Variants in KLHL42 observed in about 807,000 individuals in gnomAD.
The protein encoded by KLHL42 is kelch-like protein 42.
In KLHL42, 27 loss-of-function variants were observed where a neutral mutation model predicts 32.7. The observed-to-expected ratio is 0.83, with a 90% confidence interval of 0.61 to 1.14. The LOEUF (loss-of-function observed/expected upper bound fraction) is 1.14. Ranked by LOEUF, KLHL42 falls within the 50% of genes most tolerant of loss-of-function variation. The probability of loss-of-function intolerance (pLI) is 0.00; values close to 1 mark genes in which losing one functional copy is unlikely to be tolerated. For missense variants in KLHL42, 491 were observed against 560.8 expected (o/e 0.88, Z 1.26); for synonymous variants, 267 against 248.2 (o/e 1.08, Z -0.71).
At chr12:27,782,939 A>G (rs758784597) in intron 1 of KLHL42, among the ~76,000 whole-genome samples, 1 of 152,146 alleles carries the variant, frequency 6.6e-6, no homozygotes, top group Admixed American at 6.6e-5. Flanking sequence ...ATGTATAAAC[A>G]TTTATACTGT....
chr12:27,785,609 C>T (rs2062168594), intron 1 of KLHL42, among the ~76,000 whole-genome samples: 1 of 152,102 alleles, frequency 6.6e-6, no homozygotes, highest in African/African-American at 2.4e-5. Context: ...GGAGTTCCTT[C>T]CCGAACTCTG....
rs993661448 is a variant in KLHL42, at chr12:27,799,540, C to G, written c.*1374C>G. 1 of 152,060 alleles carries G rather than the reference C, an allele frequency of 6.6e-6. No individual in the cohort carries two copies. The highest frequency in any genetic ancestry group is 2.4e-5 in the African/African-American group (1 of 41,394). The allele number at this position is 152,060 out of a possible 1,614,324, so 9.4% of individuals were successfully genotyped here. ...AGCATGTGCCTCACTTTAAGAAAGTCCTGTAGGGGAAAAAAAAAACTGTCA... is the reference window on the plus strand; with the variant it reads ...AGCATGTGCCTCACTTTAAGAAAGTGCTGTAGGGGAAAAAAAAAACTGTCA... On this transcript the variant is annotated 3_prime_UTR_variant, in exon 3 of 3. Transcript: ENST00000381271.
chr12:27,792,318 A>T (rs564713297), intron 2 of KLHL42, among the ~76,000 whole-genome samples: 4 of 152,112 alleles, frequency 2.6e-5, no homozygotes, highest in African/African-American at 9.6e-5. Flanking sequence ...GCCCCCATCC[A>T]CCATTATGGA....
Position 27,780,372 on chromosome 12 carries a change from C to G in KLHL42, c.42C>G (p.Arg14=). 6.3e-7 allele frequency: 1 copy of G among 1,582,892 alleles called. No individual in the cohort carries two copies. Among genetic ancestry groups the G allele is most frequent in the Non-Finnish European group, 8.6e-7 (1 of 1,167,128 alleles). Residue 14 remains arginine (R), a synonymous_variant, in exon 1 of 3, where the codon CGC becomes CGG. Transcript: ENST00000381271. This position sits in a 1 kb window ranked among gnomAD's most constrained non-coding sequence, Gnocchi z 8.8. Reference sequence around the variant, plus strand: ...TGGTGCAGATCCGCCTGGAGGACCGCTGCTACCCGGTGAGCAAGAGGAAGC... The same window carrying G: ...TGGTGCAGATCCGCCTGGAGGACCGGTGCTACCCGGTGAGCAAGAGGAAGC... ...EEMVQIRLED[R]CYPVSKRKLI...
rs1378551057 is a variant in KLHL42 at position 27,802,170 on chromosome 12, C to T, written c.*4004C>T. ...TTTTTTCTCACTGCTTTTCAGTCTT[C>T]TCTGTACTTCATTTTTGTGAAAAAG... is the stretch of plus-strand genomic sequence containing the variant. On this transcript the variant is annotated 3_prime_UTR_variant, in exon 3 of 3. Transcript: ENST00000381271. 6.6e-6 allele frequency: 1 copy of T among 152,054 alleles called. No individual in the cohort carries two copies. The highest frequency in any genetic ancestry group is 1.5e-5 in the Non-Finnish European group (1 of 67,998). 9.4% of individuals were successfully genotyped at this position (152,054 alleles called of 1,614,324 possible).
rs1478577215 is a variant in KLHL42 at position 27,799,439 on chromosome 12, T to C, written c.*1273T>C. 6.6e-6 allele frequency: 1 copy of C among 152,248 alleles called. No homozygotes were observed. Among genetic ancestry groups the C allele is most frequent in the Non-Finnish European group, 1.5e-5 (1 of 68,046 alleles). 9.4% of individuals were successfully genotyped at this position (152,248 alleles called of 1,614,324 possible). ...GAAAACACTCTGAAATTATCTGATATTTTGTAATGGCATCAGTTAAACTGT... is the reference window on the plus strand; with the variant it reads ...GAAAACACTCTGAAATTATCTGATACTTTGTAATGGCATCAGTTAAACTGT... On this transcript the variant is annotated 3_prime_UTR_variant, in exon 3 of 3. Coordinates refer to ENST00000381271, the MANE Select transcript of KLHL42 (RefSeq NM_020782.2).
chr12:27,786,787 A>G (rs530804635), intron 1 of KLHL42, among the ~76,000 whole-genome samples: 62 of 138,774 alleles, frequency 4.5e-4, no homozygotes, highest in Admixed American at 8.0e-4. Context: ...CAGTGGCCCA[A>G]TCTTGGCTCA....
In KLHL42 at chr12:27,798,006, T is replaced by C. The variant is rs751556569; in HGVS notation, c.1358T>C (p.Ile453Thr). Residue 453 changes from isoleucine (I) to threonine (T), a missense_variant, in exon 3 of 3, where the codon ATC becomes ACC. Transcript: ENST00000381271. ...TCALHNDGIY[I>T]MSRDVTLSTS... ...GCGCTCCATAACGACGGCATCTACA[T>C]CATGAGCAGAGACGTCACCCTGTCG... 1.3e-6 allele frequency: 1 copy of C among 781,046 alleles called. No homozygotes were observed. The highest frequency in any genetic ancestry group is 2.4e-5 in the East Asian group (1 of 41,256). 48.4% of individuals were successfully genotyped at this position (781,046 alleles called of 1,614,324 possible).
At chr12:27,785,072 G>A (rs1470639903) in intron 1 of KLHL42, among the ~76,000 whole-genome samples, 2 of 152,200 alleles carry the variant, frequency 1.3e-5, no homozygotes, top group Non-Finnish European at 2.9e-5. Context: ...GTTGCATAGA[G>A]GGGTGGGTGG....
chr12:27,781,280 G>T, intron 1 of KLHL42, 78 bp downstream of exon 1: 1 of 1,464,546 alleles, frequency 6.8e-7, no homozygotes. Context: ...TGTTTACTGA[G>T]CCAGTAAATA....
At chr12:27,784,373 C>T (rs2062162836) in intron 1 of KLHL42, among the ~76,000 whole-genome samples, 1 of 151,564 alleles carries the variant, frequency 6.6e-6, no homozygotes, top group Admixed American at 6.6e-5. Flanking sequence ...GATCTCCTGA[C>T]CTCGTGATCC....
chr12:27,786,837 C>A (rs1360565958), intron 1 of KLHL42, among the ~76,000 whole-genome samples: 2 of 150,254 alleles, frequency 1.3e-5, no homozygotes, highest in Non-Finnish European at 2.9e-5. Context: ...ATTCTCCTGC[C>A]TCAGCCTCCC....
intron 1 of KLHL42, 66 bp downstream of exon 1, chr12:27,781,268 A>C: frequency 6.5e-7 from 1 of 1,537,102 alleles, no homozygotes; most frequent in Non-Finnish European, 8.8e-7. Context: ...TCATTACCCC[A>C]GTGTTTACTG....
chr12:27,783,463 T>C (rs898352132), intron 1 of KLHL42, among the ~76,000 whole-genome samples: 2 of 152,272 alleles, frequency 1.3e-5, no homozygotes, highest in African/African-American at 2.4e-5. Context: ...CTTACACATT[T>C]TAAAAATTCT....
Position 27,780,678 on chromosome 12 carries a change from C to A in KLHL42, c.348C>A (p.Ser116=). The A allele has an allele frequency of 1.2e-6, 2 of 1,601,712 alleles. No individual in the cohort carries two copies. The highest frequency in any genetic ancestry group is 1.7e-6 in the Non-Finnish European group (2 of 1,172,878). Residue 116 remains serine (S), a synonymous_variant, in exon 1 of 3, where the codon TCC becomes TCA. Coordinates refer to ENST00000381271, the MANE Select transcript of KLHL42 (RefSeq NM_020782.2). This position sits in a 1 kb window ranked among gnomAD's most constrained non-coding sequence, Gnocchi z 8.8. ...VEAASFLQVT[S]LLQLLLSQVR... ...CGGCCTCCTTCCTGCAGGTCACGTCCCTGCTGCAGCTGCTGCTGTCCCAGG... is the reference window on the plus strand; with the variant it reads ...CGGCCTCCTTCCTGCAGGTCACGTCACTGCTGCAGCTGCTGCTGTCCCAGG...
chr12:27,800,244 G>A lies in KLHL42; in HGVS notation c.*2078G>A. 1 of 985,274 alleles carries A rather than the reference G, an allele frequency of 1.0e-6. No individual in the cohort carries two copies. The highest frequency in any genetic ancestry group is 1.2e-6 in the Non-Finnish European group (1 of 829,908). 61.0% of individuals were successfully genotyped at this position (985,274 alleles called of 1,614,324 possible). A position where few individuals can be genotyped will look rare whatever the true frequency, so the allele number is the denominator to read the frequency against. ...TTCTCTTCCTGGTTACATTCATTGG[G>A]TCTATTTGCCTAATGTTGACAATTA... is the stretch of plus-strand genomic sequence containing the variant. On this transcript the variant is annotated 3_prime_UTR_variant, in exon 3 of 3. Coordinates refer to ENST00000381271, the MANE Select transcript of KLHL42 (RefSeq NM_020782.2).
In KLHL42 at chr12:27,783,377, TGTATAA is replaced by T. The variant is rs538573213; in HGVS notation, c.872+2181_872+2186del. Among the ~76,000 whole-genome samples the T allele has an allele frequency of 1.2e-4, 19 of 152,184 alleles. No individual in the cohort carries two copies. The East Asian group carries it at 3.3e-3, about 26-fold the overall frequency. ...AAACCCGTGTTATTAAAGGATCAGC[TGTATAA>T]GTATATTGATAGTGGTTAACAATAG... On this transcript the variant is annotated intron_variant, in intron 1 of 2. Transcript: ENST00000381271.
Position 27,780,338 on chromosome 12 carries a change from C to T in KLHL42, c.8C>T (p.Ala3Val). Residue 3 changes from alanine (A) to valine (V), a missense_variant, in exon 1 of 3, where the codon GCC becomes GTC. This residue lies in a region of KLHL42 where 88 missense variants were observed against 89.0 expected (regional missense o/e 0.99). Transcript: ENST00000381271. This position sits in a 1 kb window ranked among gnomAD's most constrained non-coding sequence, Gnocchi z 8.8. MS[A>V]EEMVQIRLED... is the part of the protein sequence containing the mutation. ...GCCCCGGGGCCCCCAGCCATGTCGG[C>T]CGAGGAGATGGTGCAGATCCGCCTG... 2.6e-6 allele frequency: 4 copies of T among 1,568,042 alleles called. No individual in the cohort carries two copies. The highest frequency in any genetic ancestry group is 3.4e-6 in the Non-Finnish European group (4 of 1,160,968).
At position 27,780,722 on chromosome 12, in the gene KLHL42, T is replaced by C. The variant is rs1290839186; in HGVS notation, c.392T>C (p.Leu131Pro). The change falls in exon 1 of 3, where the codon CTG (leucine) becomes CCG (proline). Residue 131 changes from leucine to proline, a missense_variant. Coordinates refer to ENST00000381271, the MANE Select transcript of KLHL42 (RefSeq NM_020782.2). The surrounding 1 kb of genome is among the most constrained non-coding windows in gnomAD (Gnocchi z 8.8). ...TCCCAGGTGCGGCTCAATAACTGCC[T>C]GGAGATGTACCGCCTGGCGCAGGTG... ...LLSQVRLNNC[L>P]EMYRLAQVYG... 1 of 1,613,150 alleles carries C rather than the reference T, an allele frequency of 6.2e-7. No homozygotes were observed. Among genetic ancestry groups the C allele is most frequent in the Non-Finnish European group, 8.5e-7 (1 of 1,179,884 alleles).
Sources: gnomAD v4.1 joint callset for allele counts (sites outside exome capture counted in the v4.1 genomes callset) on GRCh38, gnomAD v4.1.1 for gene constraint, gnomAD v4.1.1 regional missense constraint, Gnocchi (gnomAD v3.1) non-coding constraint, MANE v1.5 for transcripts, NCBI Gene and HGNC (gene_info 2026-07-23, HGNC 2026-07-21) for gene names.